TOX: variants seen among roughly 807,000 people sequenced by gnomAD.
The protein encoded by TOX is thymocyte selection associated high mobility group box, also known as thymocyte selection-associated high mobility group box protein TOX.
A neutral mutation model predicts 53.7 loss-of-function variants in TOX; 11 were observed. That is an observed-to-expected ratio of 0.20 (90% CI 0.13 to 0.34). The LOEUF is 0.34. TOX is among the 10% of genes least tolerant of loss of function. The pLI, the probability that TOX is intolerant of heterozygous loss-of-function variation, is 1.00. For missense variants in TOX, 570 were observed against 664.6 expected (o/e 0.86, Z 1.56); for synonymous variants, 225 against 245.3 (o/e 0.92, Z 0.77).
chr8:58,874,806 G>GCTTTA (rs560075351), intron 3 of TOX, among the ~76,000 whole-genome samples: 241 of 152,178 alleles, frequency 1.6e-3, no homozygotes, highest in African/African-American at 5.5e-3. Context: ...TCTAAACCAG[G>GCTTTA]GTGTCCAATC....
At chr8:59,001,572 C>T (rs1017448752) in intron 1 of TOX, among the ~76,000 whole-genome samples, 3 of 152,134 alleles carry the variant, frequency 2.0e-5, no homozygotes, top group African/African-American at 7.2e-5. Flanking sequence ...CAGGGATGCT[C>T]ACAAGTTGAA....
At chr8:58,959,489 C>T (rs1316651794) in intron 2 of TOX, among the ~76,000 whole-genome samples, 1 of 152,114 alleles carries the variant, frequency 6.6e-6, no homozygotes, top group African/African-American at 2.4e-5. Flanking sequence ...CCCAGGAGAC[C>T]GTGAAAGCAG....
At chr8:58,883,001 A>G (rs1385943247) in intron 3 of TOX, among the ~76,000 whole-genome samples, 1 of 152,234 alleles carries the variant, frequency 6.6e-6, no homozygotes, top group Non-Finnish European at 1.5e-5. Flanking sequence ...GGCAAACCAT[A>G]GATTTCTCTG....
chr8:58,927,871 G>A (rs10100419), intron 3 of TOX, among the ~76,000 whole-genome samples: 1,977 of 152,106 alleles, frequency 0.013, 57 homozygotes, highest in African/African-American at 0.046. Context: ...ACTTCCCCAC[G>A]GTCACATGTG....
chr8:58,851,453 G>T lies in TOX; in HGVS notation c.693+71C>A. 1 of 1,534,792 alleles carries T rather than the reference G, an allele frequency of 6.5e-7. No individual in the cohort carries two copies. The highest frequency in any genetic ancestry group is 2.4e-4 in the Middle Eastern group (1 of 4,182). On this transcript the variant is annotated intron_variant, in intron 4 of 8. Coordinates refer to ENST00000361421, the MANE Select transcript of TOX (RefSeq NM_014729.3). This position sits in a 1 kb window ranked among gnomAD's most constrained non-coding sequence, Gnocchi z 4.4. The stretch of plus-strand genomic sequence containing the variant: ...TTTCTCGCATGGATGATATAAACTT[G>T]TACCCAGCACAGGTCAAAGAAGGTG...
chr8:58,920,424 G>T, intron 3 of TOX, among the ~76,000 whole-genome samples: 1 of 58,258 alleles, frequency 1.7e-5, no homozygotes, highest in Non-Finnish European at 3.2e-5. Context: ...GTATGAAATT[G>T]GAAACCATCA....
intron 3 of TOX, among the ~76,000 whole-genome samples, chr8:58,906,409 T>C (rs1811815914): frequency 6.6e-6 from 1 of 152,230 alleles, no homozygotes; most frequent in Non-Finnish European, 1.5e-5. Context: ...AGATGTAAAT[T>C]GCTGTTTGCT....
At chr8:58,955,434 G>C (rs913524895) in intron 2 of TOX, among the ~76,000 whole-genome samples, 5 of 151,998 alleles carry the variant, frequency 3.3e-5, no homozygotes, top group African/African-American at 1.2e-4. Context: ...AGCAAGGCAG[G>C]GGAACCAAAC....
At chr8:59,086,450 T>C (rs1344817110) in intron 1 of TOX, among the ~76,000 whole-genome samples, 1 of 152,206 alleles carries the variant, frequency 6.6e-6, no homozygotes, top group African/African-American at 2.4e-5. Context: ...TTTCTCTCTG[T>C]CATTGTTTTT....
chr8:59,016,401 T>C (rs1187078709), intron 1 of TOX, among the ~76,000 whole-genome samples: 2 of 152,176 alleles, frequency 1.3e-5, no homozygotes, highest in Admixed American at 1.3e-4. Flanking sequence ...TTGTGACTCA[T>C]TAATCTGGGC....
chr8:58,978,560 T>C (rs1423872329), intron 1 of TOX, among the ~76,000 whole-genome samples: 1 of 152,190 alleles, frequency 6.6e-6, no homozygotes, highest in Non-Finnish European at 1.5e-5. Flanking sequence ...ATTTTTACAA[T>C]AGCATATTGG....
At chr8:58,882,602 C>A (rs1227269194) in intron 3 of TOX, among the ~76,000 whole-genome samples, 1 of 152,168 alleles carries the variant, frequency 6.6e-6, no homozygotes, top group Admixed American at 6.5e-5. Flanking sequence ...AATTGACCCA[C>A]TTTCTTTAAG....
chr8:58,964,811 T>G (rs1327499943), intron 1 of TOX, among the ~76,000 whole-genome samples: 3 of 152,066 alleles, frequency 2.0e-5, no homozygotes, highest in Non-Finnish European at 4.4e-5. Flanking sequence ...GACTACAGCT[T>G]TATACTTCAT....
chr8:59,053,314 C>T (rs1803828438), intron 1 of TOX, among the ~76,000 whole-genome samples: 1 of 152,112 alleles, frequency 6.6e-6, no homozygotes, highest in Non-Finnish European at 1.5e-5. Context: ...CATAAAACAA[C>T]AAAGTCCTGC....
chr8:58,861,645 A>G (rs1283523975), intron 3 of TOX, among the ~76,000 whole-genome samples: 1 of 152,208 alleles, frequency 6.6e-6, no homozygotes, highest in Non-Finnish European at 1.5e-5. Flanking sequence ...GTTAAGTAAT[A>G]AGAAAATTGG....
At chr8:58,980,144 T>C (rs1421313645) in intron 1 of TOX, among the ~76,000 whole-genome samples, 4 of 152,184 alleles carry the variant, frequency 2.6e-5, no homozygotes, top group Non-Finnish European at 5.9e-5. Flanking sequence ...TTTAAAAAGA[T>C]GGGCCAGCCT....
chr8:59,024,787 C>A lies in TOX; in HGVS notation c.103-64779G>T, dbSNP rs151049219. Among the ~76,000 whole-genome samples the A allele has an allele frequency of 3.8e-3, 584 of 152,158 alleles. 2 individuals are homozygous for A. Among genetic ancestry groups the A allele is most frequent in the African/African-American group, 0.013 (559 of 41,524 alleles). ...AAAAAGTGTCTGAGCTCTGGAAAAG[C>A]GGCCGTGTGATTATCCCATACAATT... On this transcript the variant is annotated intron_variant, in intron 1 of 8. Coordinates refer to ENST00000361421, the MANE Select transcript of TOX (RefSeq NM_014729.3).
intron 1 of TOX, among the ~76,000 whole-genome samples, chr8:59,009,245 C>G (rs1235915001): frequency 2.0e-5 from 3 of 151,318 alleles, no homozygotes; most frequent in African/African-American, 7.3e-5. Flanking sequence ...GAGTACAAGC[C>G]TCCCGGGAGC....
Position 59,097,911 on chromosome 8 carries a change from T to C in TOX, c.102+20975A>G, listed in dbSNP as rs561892247. Among the ~76,000 whole-genome samples the C allele has an allele frequency of 1.4e-4, 21 of 152,336 alleles. No individual in the cohort carries two copies. In the South Asian group the frequency reaches 4.1e-3, roughly 30 times the overall value. The stretch of plus-strand genomic sequence containing the variant: ...CATATTTTTGTTTTTCAATTTTTCA[T>C]GGTGGGCCCCTAAATTTTGATCAAA... On this transcript the variant is annotated intron_variant, in intron 1 of 8. Coordinates refer to ENST00000361421, the MANE Select transcript of TOX (RefSeq NM_014729.3).
Sources: gnomAD v4.1 joint callset for allele counts (sites outside exome capture counted in the v4.1 genomes callset) on GRCh38, gnomAD v4.1.1 for gene constraint, Gnocchi (gnomAD v3.1) non-coding constraint, MANE v1.5 for transcripts, NCBI Gene and HGNC (gene_info 2026-07-23, HGNC 2026-07-21) for gene names.